Variants in PCNA observed in about 807,000 individuals in gnomAD.
PCNA encodes proliferating cell nuclear antigen.
In PCNA, 4 loss-of-function variants were observed where a neutral mutation model predicts 27.8. The observed-to-expected ratio is 0.14, with a 90% CI of 0.07 to 0.33. The LOEUF (loss-of-function observed/expected upper bound fraction) is 0.33, where lower values mean the gene tolerates loss of function less well. PCNA is among the 10% of genes least tolerant of loss of function. The pLI is 1.00. For synonymous variants in PCNA, 121 were observed against 119.4 expected (o/e 1.01, Z -0.09); for missense variants, 165 against 327.4 (o/e 0.50, Z 3.83).
chr20:5,118,489 C>T, intron 3 of PCNA, 121 bp downstream of exon 3: 3 of 692,820 alleles, frequency 4.3e-6, no homozygotes, highest in Non-Finnish European at 7.4e-6. Flanking sequence ...CTATATGGCA[C>T]TACTGCACTC....
chr20:5,118,900 C>A (rs750600929), intron 1 of PCNA, 34 bp from the exon 2 acceptor site: 2 of 1,449,426 alleles, frequency 1.4e-6, no homozygotes, highest in South Asian at 2.3e-5. Flanking sequence ...TTAAAATCAA[C>A]GCCGTCTGCT....
chr20:5,125,015 T>C (rs144942421), intron 1 of PCNA, among the ~76,000 whole-genome samples: 1 of 152,292 alleles, frequency 6.6e-6, no homozygotes, highest in Non-Finnish European at 1.5e-5. Context: ...GAAGGTGAAG[T>C]TCTAGACACT....
chr20:5,117,361 GA>G, intron 4 of PCNA, 108 bp downstream of exon 4: 1 of 742,398 alleles, frequency 1.3e-6, no homozygotes, highest in Non-Finnish European at 2.2e-6. Flanking sequence ...TCAATTTTCA[GA>G]AATTACTTGG....
At chr20:5,124,646 A>T (rs371252996), upstream of PCNA, among the ~76,000 whole-genome samples, 11 of 152,132 alleles carry the variant, frequency 7.2e-5, no homozygotes, top group South Asian at 2.3e-3. Context: ...AAAACAAAAA[A>T]CAAACAAAAA....
chr20:5,117,714 T>C (rs888946563), intron 3 of PCNA, 50 bp from the exon 4 acceptor site: 3 of 1,167,694 alleles, frequency 2.6e-6, no homozygotes, highest in Non-Finnish European at 2.5e-6. Flanking sequence ...AATTTAATGA[T>C]TTGGCACCCT....
chr20:5,115,278 A>G lies in PCNA; in HGVS notation c.*5T>C, dbSNP rs764607894. The G allele has an allele frequency of 1.9e-6, 3 of 1,609,050 alleles. No homozygotes were observed. The South Asian group carries it at 3.3e-5, about 18-fold the overall frequency. Reference sequence around the variant, plus strand: ...TAGTTTTATTTTCTTGAATTTTAAGAATGCCTAAGATCCTTCTTCATCCTC... The same window carrying G: ...TAGTTTTATTTTCTTGAATTTTAAGGATGCCTAAGATCCTTCTTCATCCTC... On this transcript the variant is annotated 3_prime_UTR_variant, in exon 6 of 6. Transcript: ENST00000379143.
At position 5,115,127 on chromosome 20, in the gene PCNA, G is replaced by A; in HGVS notation, c.*156C>T. ...GACTTTATTCTTTAAACAAATTGCA[G>A]AGAATAGAGAAAAAAATAGGTTATT... On this transcript the variant is annotated 3_prime_UTR_variant, in exon 6 of 6. Coordinates refer to ENST00000379143, the MANE Select transcript of PCNA (RefSeq NM_182649.2). 1 of 565,966 alleles carries A rather than the reference G, an allele frequency of 1.8e-6. No individual in the cohort carries two copies. Among genetic ancestry groups the A allele is most frequent in the Non-Finnish European group, 3.1e-6 (1 of 320,524 alleles). 35.1% of individuals were successfully genotyped at this position (565,966 alleles called of 1,614,324 possible).
At position 5,115,092 on chromosome 20, in the gene PCNA, T is replaced by C; in HGVS notation, c.*191A>G. The C allele has an allele frequency of 2.0e-6, 1 of 503,192 alleles. No homozygotes were observed. Among genetic ancestry groups the C allele is most frequent in the South Asian group, 2.7e-5 (1 of 36,744 alleles). 31.2% of individuals were successfully genotyped at this position (503,192 alleles called of 1,614,324 possible). A position where few individuals can be genotyped will look rare whatever the true frequency, so the allele number is the denominator to read the frequency against. ...ATACTTCTAGGTTAACTAGACCAGA[T>C]CTGACTTTGGACTTTATTCTTTAAA... On this transcript the variant is annotated 3_prime_UTR_variant, in exon 6 of 6. Transcript: ENST00000379143.
chr20:5,123,146 C>T (rs1356214830), upstream of PCNA, among the ~76,000 whole-genome samples: 1 of 152,180 alleles, frequency 6.6e-6, no homozygotes, highest in Non-Finnish European at 1.5e-5. Flanking sequence ...TGATGTAGAA[C>T]TCAGACTGAT....
intron 1 of PCNA, among the ~76,000 whole-genome samples, chr20:5,125,658 A>G (rs1011654220): frequency 3.3e-5 from 5 of 152,210 alleles, no homozygotes; most frequent in African/African-American, 9.7e-5. Flanking sequence ...AACAGGAAAC[A>G]CCAAAGGCAA....
chr20:5,119,535 T>G, intron 1 of PCNA, 43 bp downstream of exon 1: 1 of 1,517,110 alleles, frequency 6.6e-7, no homozygotes, highest in Non-Finnish European at 9.0e-7. Flanking sequence ...GCACCGGAGG[T>G]GCAGGCGGGC....
chr20:5,120,415 A>G (rs534391363), upstream of PCNA, among the ~76,000 whole-genome samples: 1 of 152,342 alleles, frequency 6.6e-6, no homozygotes, highest in South Asian at 2.1e-4. Flanking sequence ...TAGGTGTCAC[A>G]AGATAAAGAG....
At chr20:5,123,103 G>A (rs553364106), upstream of PCNA, among the ~76,000 whole-genome samples, 2 of 152,308 alleles carry the variant, frequency 1.3e-5, no homozygotes, top group South Asian at 4.1e-4. Context: ...TGATTATAAA[G>A]GTCAGCATAC....
At chr20:5,117,696 T>C (rs560248100) in intron 3 of PCNA, 32 bp from the exon 4 acceptor site, 3 of 1,401,992 alleles carry the variant, frequency 2.1e-6, no homozygotes, top group South Asian at 2.7e-5. Context: ...CAAAAGTTAA[T>C]TGTTAGAAAT....
intron 1 of PCNA, among the ~76,000 whole-genome samples, chr20:5,125,323 T>C (rs1229730968): frequency 1.3e-5 from 2 of 151,970 alleles, no homozygotes; most frequent in East Asian, 3.8e-4. Flanking sequence ...AGGTCAAAAT[T>C]ACCAATAGGA....
At chr20:5,120,210 G>A (rs899557097), upstream of PCNA, among the ~76,000 whole-genome samples, 1 of 152,238 alleles carries the variant, frequency 6.6e-6, no homozygotes, top group Non-Finnish European at 1.5e-5. Flanking sequence ...TCGGGTCCCG[G>A]TCCCGGCTCG....
intron 3 of PCNA, 29 bp downstream of exon 3, chr20:5,118,581 A>ACT: frequency 7.0e-7 from 1 of 1,438,366 alleles, no homozygotes. Flanking sequence ...TGTGTACAGC[A>ACT]CTCTCTACAA....
chr20:5,120,547 C>CT (rs11087673), upstream of PCNA, among the ~76,000 whole-genome samples: 518 of 148,300 alleles, frequency 3.5e-3, 1 homozygote, highest in East Asian at 8.9e-3. Context: ...TTCGAATACA[C>CT]TTTTTTTTTT....
chr20:5,115,135 A>AG lies in PCNA; in HGVS notation c.*147dup. ...TCTTTAAACAAATTGCAGAGAATAG[A>AG]GAAAAAAATAGGTTATTTACAGAAA... On this transcript the variant is annotated 3_prime_UTR_variant, in exon 6 of 6. Coordinates refer to ENST00000379143, the MANE Select transcript of PCNA (RefSeq NM_182649.2). 1 of 587,320 alleles carries AG rather than the reference A, an allele frequency of 1.7e-6. No individual in the cohort carries two copies. The highest frequency in any genetic ancestry group is 2.2e-5 in the South Asian group (1 of 44,930). The allele number at this position is 587,320 out of a possible 1,614,324, so 36.4% of individuals were successfully genotyped here.
Sources: gnomAD v4.1 joint callset for allele counts (sites outside exome capture counted in the v4.1 genomes callset) on GRCh38, gnomAD v4.1.1 for gene constraint, MANE v1.5 for transcripts, NCBI Gene and HGNC (gene_info 2026-07-23, HGNC 2026-07-21) for gene names.